Variants in FTO observed in about 807,000 individuals in gnomAD.
The protein encoded by FTO is alpha-ketoglutarate-dependent dioxygenase FTO.
In FTO, 47 loss-of-function variants were observed where a neutral mutation model predicts 63.9. The observed-to-expected ratio is 0.74, with a 90% CI of 0.58 to 0.94. The LOEUF is 0.94. Ranked by LOEUF, FTO falls within the 40% of genes least tolerant of loss-of-function variation. The probability of loss-of-function intolerance (pLI) is 0.00; values close to 1 mark genes in which losing one functional copy is unlikely to be tolerated. For missense variants in FTO, 562 were observed against 618.1 expected (o/e 0.91, Z 0.96); for synonymous variants, 207 against 224.4 (o/e 0.92, Z 0.69).
chr16:53,729,851 C>T (rs1364238104), intron 1 of FTO, among the ~76,000 whole-genome samples: 1 of 152,184 alleles, frequency 6.6e-6, no homozygotes, highest in Non-Finnish European at 1.5e-5. Flanking sequence ...TGTGATTCTG[C>T]CATCCTCAAT....
chr16:53,762,171 A>C (rs946043817), intron 1 of FTO, among the ~76,000 whole-genome samples: 12 of 152,118 alleles, frequency 7.9e-5, no homozygotes, highest in Admixed American at 6.5e-4. Context: ...TTCACAGTGG[A>C]TTTGCTTAAT....
chr16:53,957,576 C>T (rs1599086073), intron 8 of FTO, among the ~76,000 whole-genome samples: 1 of 152,158 alleles, frequency 6.6e-6, no homozygotes, highest in African/African-American at 2.4e-5. Flanking sequence ...GTGATAGTGC[C>T]TTTGGAGAGA....
At chr16:53,783,604 T>TAACAAAA (rs2077647013) in intron 1 of FTO, among the ~76,000 whole-genome samples, 1 of 68,134 alleles carries the variant, frequency 1.5e-5, no homozygotes, top group Non-Finnish European at 2.7e-5. Context: ...CAAGACTCCA[T>TAACAAAA]AAAAAAAAAA....
chr16:53,989,721 T>A (rs914117298), intron 8 of FTO, among the ~76,000 whole-genome samples: 1 of 152,114 alleles, frequency 6.6e-6, no homozygotes, highest in African/African-American at 2.4e-5. Flanking sequence ...GGTCCACTTA[T>A]ACGTGGATCT....
chr16:53,739,320 T>C (rs960019203), intron 1 of FTO, among the ~76,000 whole-genome samples: 2 of 151,702 alleles, frequency 1.3e-5, no homozygotes, highest in Non-Finnish European at 1.5e-5. Context: ...ATTCTCCTGC[T>C]TCAGCCTCCC....
intron 4 of FTO, among the ~76,000 whole-genome samples, chr16:53,868,062 A>T (rs1248223059): frequency 1.3e-5 from 2 of 152,006 alleles, no homozygotes; most frequent in African/African-American, 4.8e-5. Context: ...TGTTTCTTTA[A>T]GTTTAATCTG....
chr16:53,939,591 C>T (rs1051655944), intron 8 of FTO, among the ~76,000 whole-genome samples: 29 of 152,120 alleles, frequency 1.9e-4, no homozygotes, highest in African/African-American at 5.8e-4. Flanking sequence ...AAATGAAACC[C>T]GGCATCTGTT....
chr16:54,041,653 A>G, intron 8 of FTO, among the ~76,000 whole-genome samples: 1 of 152,158 alleles, frequency 6.6e-6, no homozygotes. Context: ...CATAGGGGGC[A>G]AAGGTGAGGC....
chr16:53,869,791 G>C (rs745991491), intron 4 of FTO, among the ~76,000 whole-genome samples: 10 of 151,206 alleles, frequency 6.6e-5, no homozygotes, highest in Non-Finnish European at 1.2e-4. Flanking sequence ...TGTCCTTTAG[G>C]GTCCTTAGAA....
At chr16:54,103,738 G>A (rs1321966165) in intron 8 of FTO, among the ~76,000 whole-genome samples, 1 of 152,188 alleles carries the variant, frequency 6.6e-6, no homozygotes, top group Non-Finnish European at 1.5e-5. Flanking sequence ...TGTCATGATA[G>A]CAGTGACAAA....
intron 8 of FTO, among the ~76,000 whole-genome samples, chr16:53,964,737 T>G (rs1234145628): frequency 6.6e-6 from 1 of 152,206 alleles, no homozygotes; most frequent in African/African-American, 2.4e-5. Flanking sequence ...TTATTTAAGT[T>G]TCATAGAAAA....
chr16:54,054,841 T>C (rs1191565763), intron 8 of FTO, among the ~76,000 whole-genome samples: 6 of 151,896 alleles, frequency 4.0e-5, no homozygotes, highest in African/African-American at 1.2e-4. Flanking sequence ...GAGTGGAAAA[T>C]TGGGGCTAAA....
At chr16:53,974,961 T>C (rs1450424853) in intron 8 of FTO, among the ~76,000 whole-genome samples, 1 of 152,198 alleles carries the variant, frequency 6.6e-6, no homozygotes, top group African/African-American at 2.4e-5. Flanking sequence ...AAACTATTTA[T>C]AGAAACATTT....
intron 8 of FTO, among the ~76,000 whole-genome samples, chr16:53,968,734 A>G (rs1383138453): frequency 1.3e-5 from 2 of 152,204 alleles, no homozygotes; most frequent in Non-Finnish European, 1.5e-5. Context: ...GAGACATTTC[A>G]CTTGAGCTGG....
intron 8 of FTO, among the ~76,000 whole-genome samples, chr16:53,957,450 G>C (rs924600735): frequency 6.6e-6 from 1 of 152,234 alleles, no homozygotes; most frequent in Non-Finnish European, 1.5e-5. Flanking sequence ...ATTGGACGTT[G>C]TGGGAATCTA....
chr16:53,792,021 A>T (rs2077929522), intron 1 of FTO, among the ~76,000 whole-genome samples: 1 of 151,598 alleles, frequency 6.6e-6, no homozygotes, highest in Admixed American at 6.6e-5. Context: ...GCTTGCAGTG[A>T]GCCGAGATTG....
intron 8 of FTO, among the ~76,000 whole-genome samples, chr16:54,076,505 A>G (rs759682135): frequency 6.6e-6 from 1 of 152,220 alleles, no homozygotes; most frequent in Non-Finnish European, 1.5e-5. Context: ...ACACTGATCT[A>G]TACCCCCGTT....
At chr16:54,099,573 C>T (rs1301102409) in intron 8 of FTO, among the ~76,000 whole-genome samples, 8 of 152,128 alleles carry the variant, frequency 5.3e-5, no homozygotes, top group African/African-American at 1.9e-4. Flanking sequence ...TATCATGTGA[C>T]CAGAGATCAA....
chr16:54,014,850 CTTT>C (rs149634902), intron 8 of FTO, among the ~76,000 whole-genome samples: 1,389 of 102,696 alleles, frequency 0.014, 9 homozygotes, highest in Non-Finnish European at 0.017. Context: ...CTCTCTCTCT[CTTT>C]TTTTTTTTTT....
Sources: gnomAD v4.1 joint callset for allele counts (sites outside exome capture counted in the v4.1 genomes callset) on GRCh38, gnomAD v4.1.1 for gene constraint, MANE v1.5 for transcripts, NCBI Gene and HGNC (gene_info 2026-07-23, HGNC 2026-07-21) for gene names.